CELF2: variants seen among roughly 807,000 people sequenced by gnomAD.
CELF2 encodes CUGBP Elav-like family member 2, also known as CUG triplet repeat RNA-binding protein 2.
A neutral mutation model predicts 62.6 loss-of-function variants in CELF2; 8 were observed. The observed-to-expected ratio is 0.13, with a 90% CI of 0.07 to 0.23. CELF2 has a LOEUF of 0.23. CELF2 is among the 10% of genes least tolerant of loss of function. The pLI is 1.00. For synonymous variants in CELF2, 258 were observed against 250.0 expected, an observed-to-expected ratio of 1.03 and a Z score of -0.30; for missense variants, 333 against 671.0, an observed-to-expected ratio of 0.50 and a Z score of 5.56.
In CELF2 at chr10:11,331,615, AC is replaced by A. The variant is rs781118378; in HGVS notation, c.*2563del. 36 of 152,286 alleles carry A rather than the reference AC, an allele frequency of 2.4e-4. No homozygotes were observed. The highest frequency in any genetic ancestry group is 5.2e-4 in the Admixed American group (8 of 15,278). The allele number at this position is 152,286 out of a possible 1,614,324, so 9.4% of individuals were successfully genotyped here. A position where few individuals can be genotyped will look rare whatever the true frequency, so the allele number is the denominator to read the frequency against. On this transcript the variant is annotated 3_prime_UTR_variant, in exon 13 of 13. Coordinates refer to ENST00000633077, the MANE Select transcript of CELF2 (RefSeq NM_001326342.2). ...AAATCCCTAATATTTAAAAAAAAAA[AC>A]AAAACAAAAAAAGGTTACAAAGTTT...
chr10:10,849,520 A>G (rs1410090402), intron 1 of CELF2, among the ~76,000 whole-genome samples: 7 of 152,176 alleles, frequency 4.6e-5, no homozygotes, highest in Non-Finnish European at 8.8e-5. Context: ...CATTCTTTCC[A>G]TACATACTAC....
chr10:10,551,197 C>T, the CELF2 span, among the ~76,000 whole-genome samples: 4 of 152,200 alleles, frequency 2.6e-5, no homozygotes, highest in Non-Finnish European at 5.9e-5. Flanking sequence ...GCAGCTCAAA[C>T]CAGTGTTGTT....
At chr10:11,187,838 T>C (rs1219136390) in intron 2 of CELF2, among the ~76,000 whole-genome samples, 2 of 152,260 alleles carry the variant, frequency 1.3e-5, no homozygotes, top group South Asian at 2.1e-4. Context: ...AATACCTTGT[T>C]ACAATTTTGT....
the CELF2 span, among the ~76,000 whole-genome samples, chr10:10,500,768 C>T: frequency 1.3e-5 from 2 of 152,172 alleles, no homozygotes; most frequent in African/African-American, 2.4e-5. Flanking sequence ...CCTTACCTTG[C>T]CTTTTATTAT....
At chr10:10,774,262 G>A in the CELF2 span, among the ~76,000 whole-genome samples, 38 of 152,300 alleles carry the variant, frequency 2.5e-4, no homozygotes, top group South Asian at 2.1e-3. Context: ...GGAAGCACAC[G>A]GTACACATAG....
intron 2 of CELF2, among the ~76,000 whole-genome samples, chr10:11,196,617 C>A (rs1187104630): frequency 1.3e-5 from 2 of 151,878 alleles, no homozygotes; most frequent in Non-Finnish European, 2.9e-5. Flanking sequence ...TACTGCACTC[C>A]AGCCTGGCAA....
At chr10:10,614,886 C>T in the CELF2 span, among the ~76,000 whole-genome samples, 8 of 151,926 alleles carry the variant, frequency 5.3e-5, no homozygotes, top group Non-Finnish European at 8.8e-5. Flanking sequence ...GAGCAAAGCA[C>T]GTAGGTCCCA....
intron 1 of CELF2, among the ~76,000 whole-genome samples, chr10:10,892,819 G>A (rs2062246130): frequency 6.6e-6 from 1 of 152,196 alleles, no homozygotes; most frequent in South Asian, 2.1e-4. Flanking sequence ...ACATAGAGGA[G>A]AGAAAGCACA....
the CELF2 span, among the ~76,000 whole-genome samples, chr10:10,512,561 G>A: frequency 2.6e-5 from 4 of 151,542 alleles, no homozygotes; most frequent in South Asian, 2.1e-4. Context: ...ACAGGCATGC[G>A]CCACCAGGCC....
At chr10:10,870,194 T>C (rs2060648809) in intron 1 of CELF2, among the ~76,000 whole-genome samples, 1 of 152,132 alleles carries the variant, frequency 6.6e-6, no homozygotes, top group Non-Finnish European at 1.5e-5. Flanking sequence ...TAAAGATTAT[T>C]TCAAGAAAAG....
chr10:10,704,762 C>T, the CELF2 span, among the ~76,000 whole-genome samples: 2 of 152,114 alleles, frequency 1.3e-5, no homozygotes, highest in Non-Finnish European at 2.9e-5. Flanking sequence ...CCAACACGTG[C>T]TTCCACCATG....
chr10:10,641,553 G>A, the CELF2 span, among the ~76,000 whole-genome samples: 1 of 152,062 alleles, frequency 6.6e-6, no homozygotes, highest in Non-Finnish European at 1.5e-5. Context: ...TGATTCTCCT[G>A]TCTCAGCCTC....
intron 1 of CELF2, chr10:10,919,941 T>C (rs1277855575): frequency 2.4e-6 from 3 of 1,227,690 alleles, no homozygotes; most frequent in Non-Finnish European, 3.0e-6. Flanking sequence ...ATCATACTTA[T>C]CTTCTTTTTC....
intron 1 of CELF2, among the ~76,000 whole-genome samples, chr10:10,853,747 GCAGATGC>G (rs1298517333): frequency 6.6e-6 from 1 of 152,110 alleles, no homozygotes; most frequent in Non-Finnish European, 1.5e-5. Flanking sequence ...TCGGCATGAG[GCAGATGC>G]CAGATTTTAG....
At chr10:10,478,853 A>AT in the CELF2 span, among the ~76,000 whole-genome samples, 1 of 152,236 alleles carries the variant, frequency 6.6e-6, no homozygotes, top group South Asian at 2.1e-4. Flanking sequence ...GCAACAGAAT[A>AT]TTTTTTCTGG....
chr10:11,191,087 G>T lies in CELF2; in HGVS notation c.271+25405G>T, dbSNP rs987817588. 2.6e-5 allele frequency among the ~76,000 whole-genome samples: 4 copies of T among 152,202 alleles called. No homozygotes were observed. Among genetic ancestry groups the T allele is most frequent in the Non-Finnish European group, 5.9e-5 (4 of 68,036 alleles). On this transcript the variant is annotated intron_variant, in intron 2 of 12. Transcript: ENST00000633077. The surrounding 1 kb of genome is among the most constrained non-coding windows in gnomAD (Gnocchi z 4.1). ...TTAGGGTTTAAATCCAGTTCCCTGA[G>T]GTTGGGCAAGCTGCTGGTCCTCTCT...
the CELF2 span, among the ~76,000 whole-genome samples, chr10:10,690,671 G>A: frequency 1.3e-5 from 2 of 152,140 alleles, no homozygotes; most frequent in African/African-American, 4.8e-5. Context: ...CTTGAGGTCA[G>A]GGGTTCGAGA....
rs2653524 is a variant in CELF2, at chr10:11,246,098, G to C, written c.355-3055G>C. ...TTTTGCTGCTCCCGAATTTCCACCT[G>C]CCATCATCCACGCATTTCACAGATG... On this transcript the variant is annotated intron_variant, in intron 3 of 12. Transcript: ENST00000633077. The surrounding 1 kb of genome is among the most constrained non-coding windows in gnomAD (Gnocchi z 4.6). Among the ~76,000 whole-genome samples the C allele has an allele frequency of 0.64, 96,440 of 151,874 alleles. 31,096 individuals are homozygous for C. Among genetic ancestry groups the C allele is most frequent in the East Asian group, 0.9 (4,622 of 5,150 alleles).
Position 10,947,621 on chromosome 10 carries a change from A to T in CELF2, c.89+27622A>T, listed in dbSNP as rs958766902. ...CTCGGTGTCCTCAGTGCCTAGAACAATGCCTGGCTTTCAAGTTTACAGAAT... is the reference window on the plus strand; with the variant it reads ...CTCGGTGTCCTCAGTGCCTAGAACATTGCCTGGCTTTCAAGTTTACAGAAT... On this transcript the variant is annotated intron_variant, in intron 2 of 13. Coordinates refer to the CELF2 transcript ENST00000636488. This position sits in a 1 kb window ranked among gnomAD's most constrained non-coding sequence, Gnocchi z 4.1. 6.6e-6 allele frequency: 1 copy of T among 152,612 alleles called. No individual in the cohort carries two copies. The highest frequency in any genetic ancestry group is 1.5e-5 in the Non-Finnish European group (1 of 68,044). The allele number at this position is 152,612 out of a possible 1,614,324, so 9.5% of individuals were successfully genotyped here.
Sources: allele counts gnomAD v4.1 joint callset (sites outside exome capture counted in the v4.1 genomes callset), GRCh38; gene constraint gnomAD v4.1.1; non-coding constraint Gnocchi (gnomAD v3.1); transcripts MANE v1.5; gene names NCBI Gene and HGNC (gene_info 2026-07-23, HGNC 2026-07-21).